Variants in TBC1D4 observed in about 807,000 individuals in gnomAD.
TBC1D4 encodes TBC (Tre-2, BUB2, CDC16) domain-containing protein.
A neutral mutation model predicts 142.5 loss-of-function variants in TBC1D4; 121 were observed. That is an observed-to-expected ratio of 0.85 (90% confidence interval 0.73 to 0.99). The LOEUF (loss-of-function observed/expected upper bound fraction) is 0.99, where lower values mean the gene tolerates loss of function less well. TBC1D4 is among the 50% of genes least tolerant of loss of function. The probability of loss-of-function intolerance (pLI) is 0.00; values close to 1 mark genes in which losing one functional copy is unlikely to be tolerated. For synonymous variants in TBC1D4, 630 were observed against 628.2 expected, an observed-to-expected ratio of 1.00 and a Z score of -0.04; for missense variants, 1,475 against 1,606.6, an observed-to-expected ratio of 0.92 and a Z score of 1.40.
intron 11 of TBC1D4, among the ~76,000 whole-genome samples, chr13:75,323,860 C>G (rs1878985393): frequency 6.6e-6 from 1 of 151,832 alleles, no homozygotes; most frequent in Non-Finnish European, 1.5e-5. Flanking sequence ...CTTTTGGATT[C>G]CATTAAATAT....
intron 1 of TBC1D4, among the ~76,000 whole-genome samples, chr13:75,480,504 G>T (rs558723964): frequency 6.6e-6 from 1 of 152,016 alleles, no homozygotes; most frequent in South Asian, 2.1e-4. Context: ...TTACTGTTTG[G>T]TAATTAGATT....
At chr13:75,376,081 A>T (rs1883489277) in intron 1 of TBC1D4, 1 of 152,230 alleles carries the variant, frequency 6.6e-6, no homozygotes, top group African/African-American at 2.4e-5. Flanking sequence ...TGCAAGTCAA[A>T]ATATTTAAGT....
chr13:75,292,055 T>A (rs781470803), intron 19 of TBC1D4, 47 bp downstream of exon 19: 6 of 1,484,318 alleles, frequency 4.0e-6, no homozygotes, highest in Non-Finnish European at 5.6e-6. Context: ...TAATATATAT[T>A]CAGTAGAGAA....
intron 12 of TBC1D4, among the ~76,000 whole-genome samples, chr13:75,318,359 G>T (rs1185126563): frequency 2.0e-5 from 3 of 152,180 alleles, no homozygotes; most frequent in Non-Finnish European, 4.4e-5. Flanking sequence ...GACACAGCAA[G>T]ACTCTATCTC....
chr13:75,362,096 C>T lies in TBC1D4; in HGVS notation c.1010G>A (p.Arg337Gln), dbSNP rs752098171. 3.7e-6 allele frequency: 6 copies of T among 1,613,920 alleles called. No individual in the cohort carries two copies. The African/African-American group carries it at 4.0e-5, about 11-fold the overall frequency. ...GTGACTGGGTGCGCTCGCGTGTCTC[C>T]GTCGCGGCTGGGATTTCTGGCTGCC... ...HEGSQKSQPR[R>Q]RHASAPSHVQ... Residue 337 changes from arginine (R) to glutamine (Q), a missense_variant, in exon 2 of 21, where the codon CGG becomes CAG. Coordinates refer to ENST00000377636, the MANE Select transcript of TBC1D4 (RefSeq NM_014832.5). The surrounding 1 kb of genome is among the most constrained non-coding windows in gnomAD (Gnocchi z 4.2).
At position 75,324,321 on chromosome 13, in the gene TBC1D4, G is replaced by A. The variant is rs1234026923; in HGVS notation, c.2114C>T (p.Ala705Val). Reference protein sequence around the residue: ...SLPSLHTSFSAPSFTAPSFLK... With the variant: ...SLPSLHTSFSVPSFTAPSFLK... ...GAAAGAGGGGGCAGTGAAGGAAGGG[G>A]CAGAGAAGGAAGTGTGAAGACTTGG... is the stretch of plus-strand genomic sequence containing the variant. Residue 705 changes from alanine (A) to valine (V), a missense_variant, in exon 11 of 21, where the codon GCC (alanine) becomes GTC (valine). By Grantham distance (64) the Ala-to-Val change is moderately conservative. Coordinates refer to ENST00000377636, the MANE Select transcript of TBC1D4 (RefSeq NM_014832.5). 1 of 1,613,968 alleles carries A rather than the reference G, an allele frequency of 6.2e-7. No individual in the cohort carries two copies.
chr13:75,348,667 T>C (rs1199806754), intron 5 of TBC1D4, among the ~76,000 whole-genome samples: 1 of 152,194 alleles, frequency 6.6e-6, no homozygotes, highest in Non-Finnish European at 1.5e-5. Flanking sequence ...ACCTCTATTA[T>C]CTCTGTCATT....
Position 75,481,872 on chromosome 13 carries a change from TCCCG to T in TBC1D4, c.-109_-106del. ...AACTGTGCCAACTGCCGCACCGGGC[TCCCG>T]CGCCTGCCTGGGAGCGGCGCGACCC... On this transcript the variant is annotated 5_prime_UTR_variant, in exon 1 of 21. Coordinates refer to ENST00000377636, the MANE Select transcript of TBC1D4 (RefSeq NM_014832.5). The T allele has an allele frequency of 1.5e-6, 2 of 1,362,372 alleles. No homozygotes were observed. Among genetic ancestry groups the T allele is most frequent in the South Asian group, 1.8e-5 (1 of 55,662 alleles). 84.4% of individuals were successfully genotyped at this position (1,362,372 alleles called of 1,614,324 possible).
intron 1 of TBC1D4, among the ~76,000 whole-genome samples, chr13:75,370,630 A>G (rs1226991424): frequency 1.3e-5 from 2 of 152,186 alleles, no homozygotes; most frequent in African/African-American, 2.4e-5. Flanking sequence ...CAGGAATTAG[A>G]AAAAATGGAG....
At chr13:75,295,806 T>A (rs768400544) in intron 17 of TBC1D4, among the ~76,000 whole-genome samples, 3 of 152,216 alleles carry the variant, frequency 2.0e-5, no homozygotes, top group Non-Finnish European at 4.4e-5. Context: ...TAAATTTTTA[T>A]CCACACAGTT....
chr13:75,306,260 AT>A, intron 15 of TBC1D4, 52 bp downstream of exon 15: 1 of 1,360,566 alleles, frequency 7.3e-7, no homozygotes, highest in Non-Finnish European at 9.9e-7. Context: ...AAAAAAAAAA[AT>A]CCCCCAGGCT....
intron 7 of TBC1D4, among the ~76,000 whole-genome samples, chr13:75,338,060 C>T (rs1228999341): frequency 1.3e-5 from 2 of 151,954 alleles, no homozygotes; most frequent in Non-Finnish European, 1.5e-5. Context: ...AATTTATAAG[C>T]TGAGGGAAAT....
chr13:75,412,289 T>C (rs561851326), intron 1 of TBC1D4, among the ~76,000 whole-genome samples: 1 of 152,170 alleles, frequency 6.6e-6, no homozygotes, highest in African/African-American at 2.4e-5. Context: ...TTTTGTTTGT[T>C]TGTTTTTCTT....
At chr13:75,444,175 G>A (rs145653064) in intron 1 of TBC1D4, among the ~76,000 whole-genome samples, 191 of 152,260 alleles carry the variant, frequency 1.3e-3, no homozygotes, top group African/African-American at 3.4e-3. Context: ...AAAGCGGAGC[G>A]CAGTCAGGTG....
chr13:75,433,064 T>C (rs1407886742), intron 1 of TBC1D4, among the ~76,000 whole-genome samples: 2 of 152,058 alleles, frequency 1.3e-5, no homozygotes, highest in African/African-American at 2.4e-5. Context: ...GAGCCTACCC[T>C]ACTTCACTTA....
chr13:75,410,299 C>T (rs1885582840), intron 1 of TBC1D4, among the ~76,000 whole-genome samples: 1 of 152,192 alleles, frequency 6.6e-6, no homozygotes, highest in Non-Finnish European at 1.5e-5. Flanking sequence ...TAACCCAAGC[C>T]CATCTCCACA....
intron 1 of TBC1D4, among the ~76,000 whole-genome samples, chr13:75,398,377 C>G (rs1239572842): frequency 1.3e-5 from 2 of 152,004 alleles, no homozygotes; most frequent in African/African-American, 2.4e-5. Flanking sequence ...TGAAGGGCCT[C>G]GAGGAAATGG....
intron 1 of TBC1D4, among the ~76,000 whole-genome samples, chr13:75,437,127 A>G: frequency 6.6e-6 from 1 of 152,220 alleles, no homozygotes; most frequent in Admixed American, 6.6e-5. Context: ...AAACAAATGG[A>G]TTCGATACAG....
intron 19 of TBC1D4, 90 bp downstream of exon 19, chr13:75,292,012 T>A: frequency 7.1e-6 from 8 of 1,127,436 alleles, no homozygotes; most frequent in Non-Finnish European, 1.0e-5. Flanking sequence ...AAAATATCTG[T>A]CAAGCAAAGC....
Sources: allele counts gnomAD v4.1 joint callset (sites outside exome capture counted in the v4.1 genomes callset), GRCh38; gene constraint gnomAD v4.1.1; non-coding constraint Gnocchi (gnomAD v3.1); transcripts MANE v1.5; gene names NCBI Gene and HGNC (gene_info 2026-07-23, HGNC 2026-07-21).